Variants in EYS observed in about 807,000 individuals in gnomAD.
The protein encoded by EYS is EGF-like photoreceptor maintenance factor.
A neutral mutation model predicts 282.1 loss-of-function variants in EYS; 250 were observed. The observed-to-expected ratio is 0.89, with a 90% CI of 0.80 to 0.98. The LOEUF (loss-of-function observed/expected upper bound fraction) is 0.98. Ranked by LOEUF, EYS falls within the 50% of genes least tolerant of loss-of-function variation. The probability of loss-of-function intolerance (pLI) is 0.00; values close to 1 mark genes in which losing one functional copy is unlikely to be tolerated. For missense variants in EYS, 4,016 were observed against 3,709.0 expected, an observed-to-expected ratio of 1.08 and a Z score of -2.15; for synonymous variants, 1,355 against 1,282.9, an observed-to-expected ratio of 1.06 and a Z score of -1.20.
At chr6:65,575,906 T>C (rs896335451) in intron 2 of EYS, among the ~76,000 whole-genome samples, 1 of 151,994 alleles carries the variant, frequency 6.6e-6, no homozygotes, top group African/African-American at 2.4e-5. Context: ...AAAAGAAAGT[T>C]TGATCAAAAC....
intron 12 of EYS, among the ~76,000 whole-genome samples, chr6:65,150,088 G>A (rs574242494): frequency 1.1e-4 from 17 of 151,916 alleles, no homozygotes; most frequent in Non-Finnish European, 2.4e-4. Flanking sequence ...ACTTCACACT[G>A]GGTCCTTCCC....
chr6:65,383,262 T>C (rs1054226550), intron 8 of EYS, among the ~76,000 whole-genome samples: 9 of 151,968 alleles, frequency 5.9e-5, no homozygotes, highest in Admixed American at 1.3e-4. Context: ...GTTTTCAGCA[T>C]AGAGATCTTA....
intron 26 of EYS, among the ~76,000 whole-genome samples, chr6:64,447,654 A>G (rs976947283): frequency 6.3e-4 from 96 of 152,224 alleles, no homozygotes; most frequent in African/African-American, 2.2e-3. Flanking sequence ...AAAACAATCA[A>G]TAATACTGAA....
chr6:64,833,485 C>T (rs1275589121), intron 19 of EYS, among the ~76,000 whole-genome samples: 1 of 151,828 alleles, frequency 6.6e-6, no homozygotes, highest in Non-Finnish European at 1.5e-5. Flanking sequence ...CCCAACATTT[C>T]TTCTGTGACT....
chr6:65,322,795 CAAAAA>C (rs57571912), intron 11 of EYS, among the ~76,000 whole-genome samples: 2 of 71,590 alleles, frequency 2.8e-5, no homozygotes, highest in Non-Finnish European at 5.8e-5. Context: ...GAATCCGTCT[CAAAAA>C]AAAAAAAAAA....
intron 14 of EYS, among the ~76,000 whole-genome samples, chr6:64,969,490 G>A (rs562031810): frequency 6.6e-6 from 1 of 152,186 alleles, no homozygotes; most frequent in South Asian, 2.1e-4. Flanking sequence ...AACTTAGGGG[G>A]TCACTTTGGA....
Position 64,945,381 on chromosome 6 carries a change from A to C in EYS, c.2381+412T>G, listed in dbSNP as rs1769252875. On this transcript the variant is annotated intron_variant, in intron 15 of 42. Transcript: ENST00000503581. Reference sequence around the variant, plus strand: ...TACTATAAAATATATCAAAAATTTTACTAAAATAATCCAAAATCACAATAA... The same window carrying C: ...TACTATAAAATATATCAAAAATTTTCCTAAAATAATCCAAAATCACAATAA... Among the ~76,000 whole-genome samples the C allele has an allele frequency of 2.0e-5, 3 of 152,090 alleles. No individual in the cohort carries two copies. In the South Asian group the frequency reaches 6.2e-4, roughly 31 times the overall value.
At chr6:65,565,570 C>T (rs192371216) in intron 2 of EYS, among the ~76,000 whole-genome samples, 126 of 152,084 alleles carry the variant, frequency 8.3e-4, no homozygotes, top group African/African-American at 2.8e-3. Context: ...ACCAGAAATA[C>T]CATTTGACTC....
chr6:65,085,868 G>C (rs935761004), intron 12 of EYS, among the ~76,000 whole-genome samples: 3 of 151,802 alleles, frequency 2.0e-5, no homozygotes, highest in African/African-American at 7.3e-5. Context: ...CTCTATACTT[G>C]CATAGTTATC....
intron 32 of EYS, among the ~76,000 whole-genome samples, chr6:64,068,743 C>A (rs2149857399): frequency 6.6e-6 from 1 of 152,112 alleles, no homozygotes; most frequent in East Asian, 1.9e-4. Context: ...TACTTAAGTT[C>A]TACACTCTAC....
chr6:64,568,227 A>T (rs1582903492), intron 26 of EYS, among the ~76,000 whole-genome samples: 1 of 152,140 alleles, frequency 6.6e-6, no homozygotes, highest in East Asian at 1.9e-4. Flanking sequence ...CCAACAGAAA[A>T]CTGATAAGAA....
At chr6:64,633,976 G>A (rs1367043753) in intron 22 of EYS, among the ~76,000 whole-genome samples, 1 of 151,990 alleles carries the variant, frequency 6.6e-6, no homozygotes, top group Non-Finnish European at 1.5e-5. Context: ...ACAAATGCTT[G>A]TGTTTGTTTC....
chr6:63,740,624 C>G (rs1433909648), intron 41 of EYS, among the ~76,000 whole-genome samples: 2 of 152,080 alleles, frequency 1.3e-5, no homozygotes, highest in Non-Finnish European at 2.9e-5. Context: ...GTCTCATGTT[C>G]CTAGATAAGG....
chr6:64,097,156 G>A (rs745414843), intron 31 of EYS, among the ~76,000 whole-genome samples: 5 of 152,122 alleles, frequency 3.3e-5, no homozygotes, highest in Admixed American at 6.5e-5. Flanking sequence ...ATGTCAGTCC[G>A]CCCCTACTGG....
At chr6:64,966,014 C>T (rs568791305) in intron 14 of EYS, among the ~76,000 whole-genome samples, 1 of 151,580 alleles carries the variant, frequency 6.6e-6, no homozygotes, top group Admixed American at 6.6e-5. Context: ...ATTCAAAATG[C>T]TTGTCCATTT....
intron 29 of EYS, among the ~76,000 whole-genome samples, chr6:64,334,330 C>G (rs968762143): frequency 1.2e-4 from 18 of 152,210 alleles, no homozygotes; most frequent in African/African-American, 3.9e-4. Context: ...CTTTTTCCTA[C>G]TCCCACTGCA....
intron 34 of EYS, among the ~76,000 whole-genome samples, chr6:63,994,167 C>G (rs1347940601): frequency 6.6e-6 from 1 of 151,904 alleles, no homozygotes; most frequent in Non-Finnish European, 1.5e-5. Flanking sequence ...CAGAACTTAG[C>G]TGAGGTACAG....
intron 2 of EYS, among the ~76,000 whole-genome samples, chr6:65,522,661 T>C (rs1363525142): frequency 1.3e-5 from 2 of 152,244 alleles, no homozygotes; most frequent in African/African-American, 4.8e-5. Context: ...AATTATATGC[T>C]AATTTTTATT....
At chr6:65,055,261 G>A (rs1191258548) in intron 13 of EYS, among the ~76,000 whole-genome samples, 1 of 152,054 alleles carries the variant, frequency 6.6e-6, no homozygotes, top group Non-Finnish European at 1.5e-5. Flanking sequence ...GGGGCTACAG[G>A]TGTGAGCCAC....
Sources: allele counts gnomAD v4.1 joint callset (sites outside exome capture counted in the v4.1 genomes callset), GRCh38; gene constraint gnomAD v4.1.1; transcripts MANE v1.5; gene names NCBI Gene and HGNC (gene_info 2026-07-23, HGNC 2026-07-21).